GRM7: variants seen among roughly 807,000 people sequenced by gnomAD.
GRM7 encodes the protein metabotropic glutamate receptor 7.
A neutral mutation model predicts 84.5 loss-of-function variants in GRM7; 35 were observed. That is an observed-to-expected ratio of 0.41 (90% confidence interval 0.32 to 0.55). GRM7 has a LOEUF of 0.55. Among genes scored for constraint, GRM7 ranks in the 20% least tolerant of loss-of-function variants. The pLI is 0.19. For synonymous variants in GRM7, 487 were observed against 455.1 expected, an observed-to-expected ratio of 1.07 and a Z score of -0.89; for missense variants, 1,003 against 1,194.6, an observed-to-expected ratio of 0.84 and a Z score of 2.36.
At chr3:7,305,348 T>TTCCTGCC (rs201034007) in intron 3 of GRM7, among the ~76,000 whole-genome samples, 7 of 101,942 alleles carry the variant, frequency 6.9e-5, no homozygotes, top group South Asian at 6.5e-4. Context: ...TTTTTCTTTT[T>TTCCTGCC]TTTTTTTTTT....
intron 1 of GRM7, among the ~76,000 whole-genome samples, chr3:7,117,347 G>C (rs567436866): frequency 1.3e-5 from 2 of 152,138 alleles, no homozygotes; most frequent in Non-Finnish European, 2.9e-5. Context: ...TACAGGTCTT[G>C]CCTAAGTAGG....
chr3:7,097,404 G>A (rs1698895715), intron 1 of GRM7, among the ~76,000 whole-genome samples: 1 of 152,070 alleles, frequency 6.6e-6, no homozygotes, highest in Non-Finnish European at 1.5e-5. Flanking sequence ...TAAAAAGTAG[G>A]TGTATTGATT....
At chr3:6,968,799 G>A (rs1693627024) in intron 1 of GRM7, among the ~76,000 whole-genome samples, 1 of 152,148 alleles carries the variant, frequency 6.6e-6, no homozygotes, top group African/African-American at 2.4e-5. Flanking sequence ...CATGAAAAGT[G>A]TCTGAAAGCA....
At chr3:7,442,009 T>C (rs1391313166) in intron 5 of GRM7, among the ~76,000 whole-genome samples, 1 of 152,120 alleles carries the variant, frequency 6.6e-6, no homozygotes, top group Non-Finnish European at 1.5e-5. Context: ...TTTTTTCTAA[T>C]TCTGTGAAGA....
At chr3:7,438,787 C>A (rs1697164138) in intron 5 of GRM7, among the ~76,000 whole-genome samples, 1 of 152,130 alleles carries the variant, frequency 6.6e-6, no homozygotes, top group South Asian at 2.1e-4. Flanking sequence ...GAGTAAGTTT[C>A]TCAAGGTGTA....
chr3:7,461,871 T>A (rs866597649), intron 7 of GRM7, 149 bp downstream of exon 7: 7 of 686,160 alleles, frequency 1.0e-5, no homozygotes, highest in Middle Eastern at 6.7e-4. Flanking sequence ...GGAACTGATA[T>A]CCAATAATAA....
intron 7 of GRM7, among the ~76,000 whole-genome samples, chr3:7,567,992 A>G (rs1246474563): frequency 6.6e-6 from 1 of 152,044 alleles, no homozygotes; most frequent in Non-Finnish European, 1.5e-5. Flanking sequence ...ACGTATGTCA[A>G]TATGTTACCT....
At chr3:7,187,932 A>G (rs11708019) in intron 2 of GRM7, among the ~76,000 whole-genome samples, 38,466 of 152,004 alleles carry the variant, frequency 0.25, 5,627 homozygotes, top group Non-Finnish European at 0.34. Flanking sequence ...CAGTTGTCTC[A>G]ATGCCTAGTA....
chr3:7,019,762 C>A (rs57655844), intron 1 of GRM7, among the ~76,000 whole-genome samples: 4,035 of 152,256 alleles, frequency 0.027, 185 homozygotes, highest in African/African-American at 0.089. Flanking sequence ...AGCTGTGGTA[C>A]ATCCGTAAAT....
At chr3:7,480,901 T>G (rs1215427531) in intron 7 of GRM7, among the ~76,000 whole-genome samples, 2 of 152,104 alleles carry the variant, frequency 1.3e-5, no homozygotes, top group African/African-American at 2.4e-5. Context: ...TTGAAATAAG[T>G]GCTTACCCAT....
chr3:7,647,251 C>T (rs1225590315), intron 8 of GRM7, among the ~76,000 whole-genome samples: 2 of 152,184 alleles, frequency 1.3e-5, no homozygotes, highest in Non-Finnish European at 2.9e-5. Context: ...CTTTGGTTAG[C>T]TTCACAGTGG....
chr3:7,422,896 G>A (rs140112814), intron 5 of GRM7, among the ~76,000 whole-genome samples: 5 of 152,218 alleles, frequency 3.3e-5, no homozygotes, highest in Admixed American at 2.0e-4. Flanking sequence ...TAATATGTTA[G>A]AATATTACCA....
chr3:7,318,391 G>A (rs1700657447), intron 4 of GRM7, among the ~76,000 whole-genome samples: 1 of 152,048 alleles, frequency 6.6e-6, no homozygotes, highest in Admixed American at 6.6e-5. Context: ...ACCTAGTGCA[G>A]TAAGAAAGTA....
chr3:7,326,484 G>C (rs747392330), intron 4 of GRM7, among the ~76,000 whole-genome samples: 21 of 151,962 alleles, frequency 1.4e-4, no homozygotes, highest in Non-Finnish European at 2.4e-4. Flanking sequence ...TAGTTAATGG[G>C]GTTTAATTAA....
chr3:6,949,659 T>A (rs1165655928), intron 1 of GRM7, among the ~76,000 whole-genome samples: 1 of 151,954 alleles, frequency 6.6e-6, no homozygotes, highest in East Asian at 1.9e-4. Context: ...GTTTTCCAAC[T>A]TGGTTCCATT....
At chr3:6,978,050 TG>T (rs1246567782) in intron 1 of GRM7, among the ~76,000 whole-genome samples, 3 of 146,402 alleles carry the variant, frequency 2.0e-5, no homozygotes, top group African/African-American at 7.4e-5. Context: ...GTGAGCTTAT[TG>T]GGCTCACAAT....
intron 4 of GRM7, among the ~76,000 whole-genome samples, chr3:7,378,984 T>G (rs1051355975): frequency 6.6e-6 from 1 of 152,228 alleles, no homozygotes; most frequent in Non-Finnish European, 1.5e-5. Flanking sequence ...TTATCAAATT[T>G]CCTTGAGTGG....
intron 5 of GRM7, among the ~76,000 whole-genome samples, chr3:7,427,841 C>T (rs1208583075): frequency 3.3e-5 from 5 of 152,306 alleles, no homozygotes; most frequent in Admixed American, 3.3e-4. Context: ...AATGGCAGCT[C>T]AGGGTCAGCG....
chr3:6,870,564 G>A (rs1027253832), intron 1 of GRM7, among the ~76,000 whole-genome samples: 1 of 152,132 alleles, frequency 6.6e-6, no homozygotes, highest in Non-Finnish European at 1.5e-5. Flanking sequence ...TTTTAGCAGA[G>A]GTATGAGATG....
Sources: gnomAD v4.1 joint callset for allele counts (sites outside exome capture counted in the v4.1 genomes callset) on GRCh38, gnomAD v4.1.1 for gene constraint, MANE v1.5 for transcripts, NCBI Gene and HGNC (gene_info 2026-07-23, HGNC 2026-07-21) for gene names.